The following FRK variants were observed in gnomAD, a reference collection of about 807,000 sequenced individuals.
The protein encoded by FRK is fyn related Src family tyrosine kinase.
FRK carries 51 observed loss-of-function variants against 56.4 expected under a neutral mutation model. The ratio of observed to expected loss-of-function variants is 0.90; its 90% CI spans 0.72 to 1.14. The LOEUF (loss-of-function observed/expected upper bound fraction) is 1.14. Ranked by LOEUF, FRK falls within the 50% of genes most tolerant of loss-of-function variation. FRK has a pLI of 0.00. For missense variants in FRK, 570 were observed against 601.4 expected (o/e 0.95, Z 0.55); for synonymous variants, 245 against 217.9 (o/e 1.12, Z -1.10).
chr6:115,942,447 A>G lies in FRK; in HGVS notation c.1485T>C (p.Ser495=). Residue 495 remains serine, a synonymous_variant, in exon 8 of 8, where the codon TCT becomes TCC. Transcript: ENST00000606080. ...TGAAGTTATTTGCATCTGAATATGA[A>G]GAGTCTGTTTCAAAATAGTCTTCAA... ...WKLEDYFETD[S]SYSDANNFIR The G allele has an allele frequency of 1.9e-6, 3 of 1,613,538 alleles. No individual in the cohort carries two copies. The highest frequency in any genetic ancestry group is 8.5e-7 in the Non-Finnish European group (1 of 1,179,586).
intron 2 of FRK, 28 bp downstream of exon 2, chr6:116,003,849 A>G (rs752484244): frequency 6.2e-7 from 1 of 1,611,428 alleles, no homozygotes; most frequent in South Asian, 1.1e-5. Flanking sequence ...TCAAGCTCAT[A>G]TTGAATGACA....
At chr6:116,079,558 G>GT in the FRK span, among the ~76,000 whole-genome samples, 4 of 152,060 alleles carry the variant, frequency 2.6e-5, no homozygotes, top group Admixed American at 2.0e-4. Context: ...CATTTAAAAT[G>GT]TTTTTTATGG....
the FRK span, among the ~76,000 whole-genome samples, chr6:116,066,068 A>C: frequency 6.6e-6 from 1 of 152,072 alleles, no homozygotes; most frequent in African/African-American, 2.4e-5. Context: ...TGTCAACTTG[A>C]TTGGATTGAA....
intron 5 of FRK, among the ~76,000 whole-genome samples, chr6:115,950,528 G>A (rs1268648276): frequency 6.6e-6 from 1 of 152,206 alleles, no homozygotes; most frequent in Non-Finnish European, 1.5e-5. Flanking sequence ...ACAGATGCTG[G>A]AGAGGATGTG....
At chr6:116,026,910 T>C (rs1053018344) in intron 1 of FRK, among the ~76,000 whole-genome samples, 2 of 152,110 alleles carry the variant, frequency 1.3e-5, no homozygotes, top group African/African-American at 2.4e-5. Flanking sequence ...GGGCATGGAA[T>C]AAGGTATAAA....
At chr6:116,058,297 G>A (rs1458477713) in intron 1 of FRK, among the ~76,000 whole-genome samples, 1 of 152,102 alleles carries the variant, frequency 6.6e-6, no homozygotes, top group South Asian at 2.1e-4. Flanking sequence ...GTTCACACAG[G>A]TGATTTTCCC....
intron 1 of FRK, among the ~76,000 whole-genome samples, chr6:116,009,404 T>A (rs1200516259): frequency 6.6e-6 from 1 of 152,206 alleles, no homozygotes; most frequent in Non-Finnish European, 1.5e-5. Context: ...CCCAGCTGAA[T>A]CTAATGTACA....
intron 2 of FRK, among the ~76,000 whole-genome samples, chr6:115,982,294 G>A (rs1774226391): frequency 6.6e-6 from 1 of 152,036 alleles, no homozygotes; most frequent in Non-Finnish European, 1.5e-5. Context: ...GGCCTTCAGA[G>A]GCCTCTGACT....
At chr6:116,091,538 C>A in the FRK span, among the ~76,000 whole-genome samples, 1 of 152,156 alleles carries the variant, frequency 6.6e-6, no homozygotes, top group Non-Finnish European at 1.5e-5. Flanking sequence ...CAAGAACCCA[C>A]CGGAAGGAAC....
upstream of FRK, among the ~76,000 whole-genome samples, chr6:116,063,254 A>G (rs1454007326): frequency 6.6e-6 from 1 of 151,994 alleles, no homozygotes; most frequent in Non-Finnish European, 1.5e-5. Flanking sequence ...GAGATATTGA[A>G]CTCCTATGTT....
Position 116,060,079 on chromosome 6 carries a change from C to T in FRK, c.233G>A (p.Gly78Asp), listed in dbSNP as rs202087692. The T allele has an allele frequency of 6.2e-7, 1 of 1,614,194 alleles. No homozygotes were observed. Among genetic ancestry groups the T allele is most frequent in the South Asian group, 1.1e-5 (1 of 91,074 alleles). The change falls in exon 1 of 8, where the codon GGC (glycine) becomes GAC (aspartate). Residue 78 changes from glycine to aspartate, a missense_variant. By Grantham distance (94) the Gly-to-Asp change is moderately conservative. Coordinates refer to ENST00000606080, the MANE Select transcript of FRK (RefSeq NM_002031.3). The part of the protein sequence containing the change: ...KLQVLDTLHE[G>D]WWFARHLEKR... ...CTCCAAGTGTCTGGCAAACCACCAG[C>T]CCTCATGCAAAGTGTCCAGAACTTG...
chr6:116,084,528 T>C, the FRK span, among the ~76,000 whole-genome samples: 2 of 152,316 alleles, frequency 1.3e-5, no homozygotes, highest in East Asian at 3.9e-4. Flanking sequence ...CTCCTAGCAG[T>C]CTAGTTCAGC....
At chr6:116,092,300 A>G in the FRK span, among the ~76,000 whole-genome samples, 1 of 152,106 alleles carries the variant, frequency 6.6e-6, no homozygotes, top group African/African-American at 2.4e-5. Flanking sequence ...CTTCCTATCC[A>G]TATGATGAGA....
intron 2 of FRK, 144 bp from the exon 3 acceptor site, chr6:115,968,883 A>C: frequency 1.4e-6 from 1 of 722,720 alleles, no homozygotes; most frequent in Non-Finnish European, 2.2e-6. Flanking sequence ...AAAAGATTTA[A>C]GAAAGTTTAC....
intron 2 of FRK, among the ~76,000 whole-genome samples, chr6:115,997,619 C>G (rs1163642580): frequency 1.3e-5 from 2 of 152,118 alleles, no homozygotes; most frequent in Non-Finnish European, 2.9e-5. Context: ...GACATCCATC[C>G]TAGAATCTCA....
At chr6:116,045,659 A>G (rs751586967) in intron 1 of FRK, among the ~76,000 whole-genome samples, 3 of 152,228 alleles carry the variant, frequency 2.0e-5, no homozygotes, top group Admixed American at 2.0e-4. Flanking sequence ...AATACCATTC[A>G]GGACATAGGC....
At chr6:116,027,310 T>C (rs1776129234) in intron 1 of FRK, among the ~76,000 whole-genome samples, 1 of 152,118 alleles carries the variant, frequency 6.6e-6, no homozygotes, top group Non-Finnish European at 1.5e-5. Context: ...TTTTAAACTG[T>C]CAAATAGGTT....
At position 115,938,503 on chromosome 6, in the gene FRK, T is replaced by A. The variant is rs1396489110; in HGVS notation, c.*3911A>T. On this transcript the variant is annotated 3_prime_UTR_variant, in exon 8 of 8. Coordinates refer to ENST00000606080, the MANE Select transcript of FRK (RefSeq NM_002031.3). ...AACAGAACTGAAGGTGATAGAGACA[T>A]GAAAAACCTTTCAAAAAATCAATGA... 1 of 152,022 alleles carries A rather than the reference T, an allele frequency of 6.6e-6. No individual in the cohort carries two copies. Among genetic ancestry groups the A allele is most frequent in the Non-Finnish European group, 1.5e-5 (1 of 67,974 alleles). The allele number at this position is 152,022 out of a possible 1,614,324, so 9.4% of individuals were successfully genotyped here. A position where few individuals can be genotyped will look rare whatever the true frequency, so the allele number is the denominator to read the frequency against.
At chr6:116,000,142 C>G (rs1749405854) in intron 2 of FRK, among the ~76,000 whole-genome samples, 1 of 149,602 alleles carries the variant, frequency 6.7e-6, no homozygotes, top group South Asian at 2.1e-4. Flanking sequence ...TGAACAGTCA[C>G]TGTAGCCTGG....
Sources: gnomAD v4.1 joint callset for allele counts (sites outside exome capture counted in the v4.1 genomes callset) on GRCh38, gnomAD v4.1.1 for gene constraint, MANE v1.5 for transcripts, NCBI Gene and HGNC (gene_info 2026-07-23, HGNC 2026-07-21) for gene names.